The following ZC3H3 variants were observed in gnomAD, a reference collection of about 807,000 sequenced individuals.
ZC3H3 encodes the protein zinc finger CCCH domain-containing protein 3.
ZC3H3 carries 36 observed loss-of-function variants against 77.3 expected under a neutral mutation model. That is an observed-to-expected ratio of 0.47 (90% CI 0.36 to 0.61). ZC3H3 has a LOEUF of 0.61. ZC3H3 is among the 20% of genes least tolerant of loss of function. The probability of loss-of-function intolerance (pLI) is 0.00; values close to 1 mark genes in which losing one functional copy is unlikely to be tolerated. For synonymous variants in ZC3H3, 626 were observed against 555.2 expected (o/e 1.13, Z -1.79); for missense variants, 1,331 against 1,312.2 (o/e 1.01, Z -0.22).
At chr8:143,478,375 A>G (rs111845101) in intron 4 of ZC3H3, among the ~76,000 whole-genome samples, 2 of 152,148 alleles carry the variant, frequency 1.3e-5, no homozygotes, top group African/African-American at 2.4e-5. Flanking sequence ...CGTGGGGCAG[A>G]GGCATCAGGG....
At chr8:143,468,775 C>G (rs1820484419) in intron 5 of ZC3H3, 116 bp from the exon 6 acceptor site, 1 of 1,352,930 alleles carries the variant, frequency 7.4e-7, no homozygotes, top group Admixed American at 2.8e-5. Flanking sequence ...TCAGGCACAG[C>G]CTCCCCTCCA....
chr8:143,491,131 C>T (rs901953871), intron 4 of ZC3H3, among the ~76,000 whole-genome samples: 6 of 152,184 alleles, frequency 3.9e-5, no homozygotes, highest in African/African-American at 9.7e-5. Flanking sequence ...CACATATCCA[C>T]GGCTGGGCAG....
intron 9 of ZC3H3, among the ~76,000 whole-genome samples, chr8:143,454,079 CTTTTTT>C (rs55882218): frequency 7.0e-6 from 1 of 142,792 alleles, no homozygotes. Flanking sequence ...ATAACTTTTT[CTTTTTT>C]TTTTTTTTTT....
chr8:143,522,401 G>C (rs973041538), intron 3 of ZC3H3, among the ~76,000 whole-genome samples: 1 of 152,134 alleles, frequency 6.6e-6, no homozygotes, highest in Non-Finnish European at 1.5e-5. Context: ...TCAGGAGTTC[G>C]AGACGAGCTT....
At chr8:143,491,774 G>A (rs1199969619) in intron 4 of ZC3H3, among the ~76,000 whole-genome samples, 2 of 152,212 alleles carry the variant, frequency 1.3e-5, no homozygotes, top group African/African-American at 4.8e-5. Flanking sequence ...GCAGGGCTGT[G>A]GGGCCGGGTG....
intron 2 of ZC3H3, among the ~76,000 whole-genome samples, chr8:143,537,150 C>T (rs757668106): frequency 4.2e-4 from 64 of 152,192 alleles, no homozygotes; most frequent in Non-Finnish European, 6.8e-4. Flanking sequence ...CTCATGGAGT[C>T]CCTGAGCCCA....
intron 2 of ZC3H3, 92 bp downstream of exon 2, chr8:143,537,911 C>G (rs1009736295): frequency 7.7e-7 from 1 of 1,295,674 alleles, no homozygotes; most frequent in African/African-American, 1.5e-5. Context: ...CAACTGCAGG[C>G]AAAGCTCCGA....
At chr8:143,531,255 G>A (rs2130497492) in intron 3 of ZC3H3, among the ~76,000 whole-genome samples, 1 of 152,242 alleles carries the variant, frequency 6.6e-6, no homozygotes, top group East Asian at 1.9e-4. Flanking sequence ...CTCGGCACCC[G>A]GCCAGTGTCT....
rs1401547584 is a variant in ZC3H3, at chr8:143,462,516, G to A, written c.2307+3201C>T. Among the ~76,000 whole-genome samples, 5 of 152,232 alleles carry A rather than the reference G, an allele frequency of 3.3e-5. No homozygotes were observed. The highest frequency in any genetic ancestry group is 6.5e-5 in the Admixed American group (1 of 15,280). ...AAAACCAAGACAGGCGCTGTCCAGA[G>A]GACACAGGAGCCCTTGCAAGCCTGG... On this transcript the variant is annotated intron_variant, in intron 9 of 11. Transcript: ENST00000262577. The surrounding 1 kb of genome is among the most constrained non-coding windows in gnomAD (Gnocchi z 4.7).
chr8:143,506,288 G>A (rs1446975259), intron 4 of ZC3H3, among the ~76,000 whole-genome samples: 6 of 152,344 alleles, frequency 3.9e-5, no homozygotes, highest in South Asian at 2.1e-4. Context: ...CCTCGACGTC[G>A]GGCTGACGAC....
intron 3 of ZC3H3, among the ~76,000 whole-genome samples, chr8:143,512,751 C>T (rs1009605749): frequency 2.0e-5 from 3 of 152,254 alleles, no homozygotes; most frequent in African/African-American, 7.2e-5. Flanking sequence ...GGGGTTGCAC[C>T]TTCAGCCCCA....
intron 9 of ZC3H3, among the ~76,000 whole-genome samples, chr8:143,447,029 A>G (rs1202537746): frequency 6.6e-6 from 1 of 152,218 alleles, no homozygotes; most frequent in African/African-American, 2.4e-5. Context: ...AGCTGACATG[A>G]AGGGCACAGG....
At chr8:143,439,613 G>A (rs1819671687) in intron 11 of ZC3H3, among the ~76,000 whole-genome samples, 1 of 152,218 alleles carries the variant, frequency 6.6e-6, no homozygotes, top group Non-Finnish European at 1.5e-5. Flanking sequence ...TAACAGAAAT[G>A]GGTGCTTTCT....
At chr8:143,508,029 G>T in intron 3 of ZC3H3, 130 bp from the exon 4 acceptor site, 20 of 1,121,756 alleles carry the variant, frequency 1.8e-5, no homozygotes, top group Non-Finnish European at 2.2e-5. Flanking sequence ...ATCGCCCCGT[G>T]GATAAAACCC....
In ZC3H3 at chr8:143,475,339, G is replaced by T. The variant is rs902319597; in HGVS notation, c.1903+59C>A. ...GAGGTTAGGGGGTCTGGCCTGCAAT[G>T]CCCACCACACGCTAGCCGGTCGGTG... On this transcript the variant is annotated intron_variant, in intron 5 of 11. Transcript: ENST00000262577. 7 of 1,552,768 alleles carry T rather than the reference G, an allele frequency of 4.5e-6. No homozygotes were observed. The African/African-American group carries it at 5.4e-5, about 12-fold the overall frequency.
At chr8:143,476,268 C>A (rs1820731956) in intron 4 of ZC3H3, among the ~76,000 whole-genome samples, 1 of 152,342 alleles carries the variant, frequency 6.6e-6, no homozygotes, top group South Asian at 2.1e-4. Flanking sequence ...ATGGGGACAG[C>A]CTCACAGACC....
intron 3 of ZC3H3, among the ~76,000 whole-genome samples, chr8:143,509,723 G>A (rs1821813781): frequency 2.6e-5 from 4 of 152,216 alleles, no homozygotes; most frequent in Admixed American, 2.6e-4. Flanking sequence ...AAGCAAGGCA[G>A]GAGGGACACT....
At position 143,440,040 on chromosome 8, in the gene ZC3H3, C is replaced by T; in HGVS notation, c.2815+1G>A. 3 of 1,539,186 alleles carry T rather than the reference C, an allele frequency of 1.9e-6. No individual in the cohort carries two copies. Among genetic ancestry groups the T allele is most frequent in the South Asian group, 2.4e-5 (2 of 83,466 alleles). ...GGCCCGAGCCAGGCCGTGCTGCCTA[C>T]CTGAGTCCTTGGTGAGGGGGGCCCT... On this transcript the variant is annotated splice_donor_variant, in intron 11 of 11. Transcript: ENST00000262577. LOFTEE classifies it high-confidence loss of function.
chr8:143,496,879 A>C (rs1586924662), intron 4 of ZC3H3, among the ~76,000 whole-genome samples: 1 of 152,232 alleles, frequency 6.6e-6, no homozygotes, highest in Non-Finnish European at 1.5e-5. Context: ...AAAAGACATC[A>C]GATAAGCCCA....
Sources: allele counts gnomAD v4.1 joint callset (sites outside exome capture counted in the v4.1 genomes callset), GRCh38; gene constraint gnomAD v4.1.1; non-coding constraint Gnocchi (gnomAD v3.1); transcripts MANE v1.5; gene names NCBI Gene and HGNC (gene_info 2026-07-23, HGNC 2026-07-21).